CAPZA1: variants seen among roughly 807,000 people sequenced by gnomAD.
The protein encoded by CAPZA1 is F-actin-capping protein subunit alpha-1.
Under a neutral mutation model 40.8 loss-of-function variants are expected in CAPZA1, and 10 were observed. The observed-to-expected ratio is 0.25, with a 90% CI of 0.15 to 0.42. The LOEUF is 0.42. Among genes scored for constraint, CAPZA1 ranks in the 10% least tolerant of loss-of-function variants. CAPZA1 has a pLI of 1.00. For synonymous variants in CAPZA1, 98 were observed against 115.0 expected, an observed-to-expected ratio of 0.85 and a Z score of 0.95; for missense variants, 277 against 353.8, an observed-to-expected ratio of 0.78 and a Z score of 1.74.
At position 112,669,553 on chromosome 1, in the gene CAPZA1, A is replaced by G. The variant is rs750699488; in HGVS notation, c.668A>G (p.Gln223Arg). Reference sequence around the variant, plus strand: ...TCCTTCCTTCATTAGAATGAAGCCCAAACTGCCAAGGAGTTTATTAAAATC... The same window carrying G: ...TCCTTCCTTCATTAGAATGAAGCCCGAACTGCCAAGGAGTTTATTAAAATC... Reference protein sequence around the residue: ...QDSLTVSNEAQTAKEFIKIIE... With the variant: ...QDSLTVSNEARTAKEFIKIIE... The change falls in exon 9 of 10, where the codon CAA (glutamine) becomes CGA (arginine). Residue 223 changes from glutamine to arginine, a missense_variant. By Grantham distance (43) the Gln-to-Arg change is conservative. Transcript: ENST00000263168. 8.7e-6 allele frequency: 14 copies of G among 1,610,654 alleles called. No homozygotes were observed. The highest frequency in any genetic ancestry group is 4.4e-5 in the South Asian group (4 of 90,810).
chr1:112,646,304 G>T (rs1194899863), intron 1 of CAPZA1, among the ~76,000 whole-genome samples: 1 of 152,172 alleles, frequency 6.6e-6, no homozygotes, highest in African/African-American at 2.4e-5. Context: ...CTTAGGGCAG[G>T]CACGGTGGCT....
In CAPZA1 at chr1:112,671,281, T is replaced by A. The variant is rs1253934157; in HGVS notation, c.*1149T>A. 1.3e-5 allele frequency: 2 copies of A among 152,636 alleles called. No homozygotes were observed. The highest frequency in any genetic ancestry group is 2.9e-5 in the Non-Finnish European group (2 of 68,030). The allele number at this position is 152,636 out of a possible 1,614,324, so 9.5% of individuals were successfully genotyped here. A position where few individuals can be genotyped will look rare whatever the true frequency, so the allele number is the denominator to read the frequency against. On this transcript the variant is annotated 3_prime_UTR_variant, in exon 10 of 10. Transcript: ENST00000263168. The stretch of plus-strand genomic sequence containing the variant: ...TCAGAATACACAGGTGACATAGATA[T>A]GATATGACAACTGGTAATGGTGGAT...
intron 7 of CAPZA1, among the ~76,000 whole-genome samples, chr1:112,663,870 G>T (rs1187906653): frequency 6.6e-6 from 1 of 152,052 alleles, no homozygotes; most frequent in African/African-American, 2.4e-5. Context: ...AAAATTTCAG[G>T]GTTTAGAGAG....
chr1:112,653,766 GT>G, intron 4 of CAPZA1, 105 bp downstream of exon 4: 1 of 764,040 alleles, frequency 1.3e-6, no homozygotes, highest in Non-Finnish European at 2.2e-6. Flanking sequence ...ATTTGTCTTA[GT>G]TTTTATAGTT....
intron 6 of CAPZA1, 24 bp from the exon 7 acceptor site, chr1:112,659,677 A>C (rs751524398): frequency 6.3e-7 from 1 of 1,596,604 alleles, no homozygotes; most frequent in Non-Finnish European, 8.6e-7. Context: ...CTAATTCTGC[A>C]ATGTTGTGTG....
At chr1:112,662,626 C>T (rs913978638) in intron 7 of CAPZA1, among the ~76,000 whole-genome samples, 4 of 151,920 alleles carry the variant, frequency 2.6e-5, no homozygotes, top group Non-Finnish European at 5.9e-5. Flanking sequence ...TCTCGAACTC[C>T]TGACCTTGTG....
chr1:112,630,476 T>TG (rs1670899617), intron 1 of CAPZA1, among the ~76,000 whole-genome samples: 1 of 152,136 alleles, frequency 6.6e-6, no homozygotes, highest in African/African-American at 2.4e-5. Flanking sequence ...CCCGAGTAGC[T>TG]GGGATTACAG....
chr1:112,667,138 C>T lies in CAPZA1; in HGVS notation c.650C>T (p.Thr217Ile). ...CATAAAGATGTACAGGATTCACTAA[C>T]TGTTTCGGTGAGTATGGAATATTTA... ...VSHKDVQDSL[T>I]VSNEAQTAKE... is the part of the protein sequence containing the mutation. Residue 217 changes from threonine (T) to isoleucine (I), a missense_variant, in exon 8 of 10, where the codon ACT (threonine) becomes ATT (isoleucine). Thr to Ile is a moderately conservative substitution (Grantham distance 89). Around this residue, in one of 2 missense-constraint regions of CAPZA1, gnomAD observed 192 missense variants for 277.2 expected, o/e 0.69. Coordinates refer to ENST00000263168, the MANE Select transcript of CAPZA1 (RefSeq NM_006135.3). 1 of 1,604,588 alleles carries T rather than the reference C, an allele frequency of 6.2e-7. No individual in the cohort carries two copies. The highest frequency in any genetic ancestry group is 8.5e-7 in the Non-Finnish European group (1 of 1,172,720).
chr1:112,659,497 T>C (rs1361833888), intron 6 of CAPZA1: 2 of 569,850 alleles, frequency 3.5e-6, no homozygotes, highest in Non-Finnish European at 6.2e-6. Context: ...TAGAAAAGGC[T>C]TATGGTCAGG....
chr1:112,627,975 T>C (rs77655642), intron 1 of CAPZA1, among the ~76,000 whole-genome samples: 1 of 151,744 alleles, frequency 6.6e-6, no homozygotes, highest in African/African-American at 2.4e-5. Flanking sequence ...AAAAAAAAGT[T>C]GCTTAGTGCT....
At chr1:112,667,518 G>A (rs765132353) in intron 8 of CAPZA1, among the ~76,000 whole-genome samples, 4 of 152,148 alleles carry the variant, frequency 2.6e-5, no homozygotes, top group Non-Finnish European at 4.4e-5. Flanking sequence ...CAATTAGAAT[G>A]TTTTGTGGTT....
At chr1:112,649,686 T>C (rs559103497) in intron 3 of CAPZA1, 12 of 545,328 alleles carry the variant, frequency 2.2e-5, no homozygotes, top group East Asian at 2.2e-4. Flanking sequence ...TAGTTTTTAT[T>C]TCTGCCCACA....
At chr1:112,659,156 C>T in intron 6 of CAPZA1, 55 bp downstream of exon 6, 4 of 1,217,196 alleles carry the variant, frequency 3.3e-6, no homozygotes, top group Non-Finnish European at 3.7e-6. Context: ...GCAGTTGAGA[C>T]TTGGTTTTTA....
At chr1:112,638,672 C>A (rs975258898) in intron 1 of CAPZA1, among the ~76,000 whole-genome samples, 1 of 151,840 alleles carries the variant, frequency 6.6e-6, no homozygotes, top group African/African-American at 2.4e-5. Flanking sequence ...CAGTGGCTCG[C>A]ATCTGTAATC....
chr1:112,643,104 G>T (rs1671209416), intron 1 of CAPZA1, among the ~76,000 whole-genome samples: 2 of 152,016 alleles, frequency 1.3e-5, no homozygotes, highest in South Asian at 4.2e-4. Flanking sequence ...CAAAAAAAAA[G>T]GTTTATTATT....
At chr1:112,658,796 C>CT (rs1377173079) in intron 5 of CAPZA1, among the ~76,000 whole-genome samples, 2 of 152,300 alleles carry the variant, frequency 1.3e-5, no homozygotes, top group Middle Eastern at 3.4e-3. Context: ...CCTTGTACCC[C>CT]AAACCAAGAG....
At chr1:112,619,955 A>C in intron 1 of CAPZA1, 72 bp downstream of exon 1, 2 of 1,268,804 alleles carry the variant, frequency 1.6e-6, no homozygotes, top group Middle Eastern at 1.9e-4. Context: ...CTGCGTTGGG[A>C]GCCTAGCAGT....
chr1:112,641,886 C>CAAA (rs56057393), intron 1 of CAPZA1, among the ~76,000 whole-genome samples: 24 of 98,064 alleles, frequency 2.4e-4, no homozygotes, highest in Middle Eastern at 5.2e-3. Flanking sequence ...GAGACTGTCT[C>CAAA]AAAAAAAAAA....
chr1:112,664,697 G>A (rs2101189372), intron 7 of CAPZA1, among the ~76,000 whole-genome samples: 1 of 152,284 alleles, frequency 6.6e-6, no homozygotes, highest in Non-Finnish European at 1.5e-5. Context: ...GTACTTTTGG[G>A]AGACCGAGGT....
Sources: allele counts gnomAD v4.1 joint callset (sites outside exome capture counted in the v4.1 genomes callset), GRCh38; gene constraint gnomAD v4.1.1; regional missense constraint gnomAD v4.1.1; transcripts MANE v1.5; gene names NCBI Gene and HGNC (gene_info 2026-07-23, HGNC 2026-07-21).